ANO3: variants seen among roughly 807,000 people sequenced by gnomAD.
The protein encoded by ANO3 is anoctamin 3, also known as anoctamin-3.
A neutral mutation model predicts 144.8 loss-of-function variants in ANO3; 99 were observed. The observed-to-expected ratio is 0.68, with a 90% CI of 0.58 to 0.81. The LOEUF (loss-of-function observed/expected upper bound fraction) is 0.81, where lower values mean the gene tolerates loss of function less well. ANO3 is among the 30% of genes least tolerant of loss of function. The pLI is 0.00. For synonymous variants in ANO3, 414 were observed against 392.6 expected, an observed-to-expected ratio of 1.05 and a Z score of -0.64; for missense variants, 905 against 1,202.2, an observed-to-expected ratio of 0.75 and a Z score of 3.66.
intron 14 of ANO3, among the ~76,000 whole-genome samples, chr11:26,587,710 A>G (rs1017479241): frequency 6.6e-6 from 1 of 152,150 alleles, no homozygotes; most frequent in African/African-American, 2.4e-5. Flanking sequence ...CAATCCTAGC[A>G]CTTTGGGAAG....
At chr11:26,439,005 A>G (rs1264403359) in intron 1 of ANO3, among the ~76,000 whole-genome samples, 2 of 147,950 alleles carry the variant, frequency 1.4e-5, no homozygotes, top group African/African-American at 4.9e-5. Context: ...TTGGTGGGTT[A>G]GAATTGAGAG....
intron 18 of ANO3, among the ~76,000 whole-genome samples, chr11:26,626,782 GTT>G (rs5790596): frequency 7.3e-5 from 11 of 150,660 alleles, no homozygotes; most frequent in African/African-American, 2.4e-4. Flanking sequence ...ATATTCAATA[GTT>G]TTTTTTTTCT....
chr11:26,396,485 A>G (rs74601969), intron 1 of ANO3, among the ~76,000 whole-genome samples: 40,289 of 151,990 alleles, frequency 0.27, 5,979 homozygotes, highest in African/African-American at 0.4. Context: ...CTATAAAGAC[A>G]CGTGCACACA....
intron 1 of ANO3, among the ~76,000 whole-genome samples, chr11:26,353,566 C>G (rs1855701617): frequency 6.6e-6 from 1 of 152,070 alleles, no homozygotes; most frequent in Non-Finnish European, 1.5e-5. Context: ...TCCTTTCTTC[C>G]CTTCGTTCCT....
At chr11:26,409,213 A>T (rs1857371712) in intron 1 of ANO3, among the ~76,000 whole-genome samples, 1 of 151,184 alleles carries the variant, frequency 6.6e-6, no homozygotes, top group Admixed American at 6.6e-5. Flanking sequence ...CCCCAAGAAT[A>T]CTTCTTACAC....
chr11:26,430,432 C>T (rs1367609526), intron 1 of ANO3, among the ~76,000 whole-genome samples: 1 of 151,996 alleles, frequency 6.6e-6, no homozygotes, highest in Non-Finnish European at 1.5e-5. Context: ...ACTAAAATTG[C>T]ACAATTCTAA....
intron 26 of ANO3, among the ~76,000 whole-genome samples, chr11:26,658,130 G>T (rs1047504722): frequency 6.6e-6 from 1 of 151,988 alleles, no homozygotes; most frequent in East Asian, 1.9e-4. Flanking sequence ...AATCCATTTG[G>T]TAAGAGATAG....
intron 4 of ANO3, among the ~76,000 whole-genome samples, chr11:26,479,745 T>C (rs1860135807): frequency 6.6e-6 from 1 of 152,106 alleles, no homozygotes; most frequent in South Asian, 2.1e-4. Flanking sequence ...ATATCATCTA[T>C]AATATATATG....
At chr11:26,641,788 A>C in intron 21 of ANO3, 108 bp from the exon 22 acceptor site, 1 of 1,185,872 alleles carries the variant, frequency 8.4e-7, no homozygotes, top group Non-Finnish European at 1.1e-6. Flanking sequence ...AAATACCTCC[A>C]ATTCCGAGGA....
chr11:26,367,417 C>T (rs1856123892), intron 1 of ANO3, among the ~76,000 whole-genome samples: 1 of 152,186 alleles, frequency 6.6e-6, no homozygotes, highest in South Asian at 2.1e-4. Context: ...GAGACCTCCT[C>T]AACCCAGCCT....
intron 1 of ANO3, among the ~76,000 whole-genome samples, chr11:26,255,160 C>A (rs551496466): frequency 6.6e-6 from 1 of 152,284 alleles, no homozygotes; most frequent in African/African-American, 2.4e-5. Flanking sequence ...AGGAAAGTCG[C>A]TGGAGTATTT....
chr11:26,647,045 T>C (rs1005117872), intron 23 of ANO3, among the ~76,000 whole-genome samples: 5 of 152,190 alleles, frequency 3.3e-5, no homozygotes, highest in African/African-American at 9.6e-5. Context: ...AGAGCATTTT[T>C]TCCAGGATAT....
At chr11:26,328,595 C>G (rs1230008015), upstream of ANO3, among the ~76,000 whole-genome samples, 1 of 152,132 alleles carries the variant, frequency 6.6e-6, no homozygotes, top group Non-Finnish European at 1.5e-5. Context: ...ATGTAAACAT[C>G]AGAGTTTCTT....
intron 17 of ANO3, among the ~76,000 whole-genome samples, chr11:26,607,929 A>G (rs1450751478): frequency 2.0e-5 from 3 of 152,206 alleles, no homozygotes; most frequent in Non-Finnish European, 4.4e-5. Flanking sequence ...TCTGAAGCCT[A>G]CTGCTGTCAA....
chr11:26,595,815 A>T (rs1851609885), intron 14 of ANO3, among the ~76,000 whole-genome samples: 1 of 152,142 alleles, frequency 6.6e-6, no homozygotes. Flanking sequence ...TTGAGTTAGT[A>T]AGCTACTTTT....
chr11:26,517,243 T>G (rs991294782), intron 6 of ANO3, among the ~76,000 whole-genome samples: 2 of 152,044 alleles, frequency 1.3e-5, no homozygotes, highest in African/African-American at 4.8e-5. Context: ...GCAGAACTCT[T>G]TTTAGTTTTG....
At chr11:26,515,293 C>A (rs1329317772) in intron 5 of ANO3, among the ~76,000 whole-genome samples, 6 of 151,622 alleles carry the variant, frequency 4.0e-5, no homozygotes, top group African/African-American at 1.5e-4. Flanking sequence ...AAAAATCAAT[C>A]CTTGATCCAG....
intron 4 of ANO3, among the ~76,000 whole-genome samples, chr11:26,487,567 A>G (rs1268488185): frequency 6.6e-6 from 1 of 152,136 alleles, no homozygotes; most frequent in African/African-American, 2.4e-5. Context: ...GGCTCATAAG[A>G]GGACAGGAAA....
chr11:26,248,852 A>T (rs1490338399), intron 1 of ANO3, among the ~76,000 whole-genome samples: 1 of 152,174 alleles, frequency 6.6e-6, no homozygotes, highest in African/African-American at 2.4e-5. Flanking sequence ...AGCATGCCTG[A>T]CCACCTGAGC....
Sources: gnomAD v4.1 joint callset for allele counts (sites outside exome capture counted in the v4.1 genomes callset) on GRCh38, gnomAD v4.1.1 for gene constraint, MANE v1.5 for transcripts, NCBI Gene and HGNC (gene_info 2026-07-23, HGNC 2026-07-21) for gene names.